COPA: variants seen among roughly 807,000 people sequenced by gnomAD.
COPA encodes the protein coat protein complex I subunit alpha, also known as coatomer subunit alpha.
Under a neutral mutation model 158.7 loss-of-function variants are expected in COPA, and 10 were observed. The observed-to-expected ratio is 0.06, with a 90% confidence interval of 0.04 to 0.11. COPA has a LOEUF of 0.11. Among genes scored for constraint, COPA ranks in the 10% least tolerant of loss-of-function variants. The pLI, the probability that COPA is intolerant of heterozygous loss-of-function variation, is 1.00. For synonymous variants in COPA, 462 were observed against 542.8 expected, an observed-to-expected ratio of 0.85 and a Z score of 2.07; for missense variants, 1,065 against 1,536.7, an observed-to-expected ratio of 0.69 and a Z score of 5.13.
chr1:160,341,214 T>C (rs1648026221), intron 1 of COPA, among the ~76,000 whole-genome samples: 1 of 152,254 alleles, frequency 6.6e-6, no homozygotes. Flanking sequence ...GTTTGAAGTG[T>C]ATCCTTTCAG....
At position 160,290,492 on chromosome 1, in the gene COPA, T is replaced by C. The variant is rs765176560; in HGVS notation, c.3615A>G (p.Thr1205=). ...TATATTTATTGAGGACAGTACTTACTGTGGTGACCCTGCAGATTTGACCTT... is the reference window on the plus strand; with the variant it reads ...TATATTTATTGAGGACAGTACTTACCGTGGTGACCCTGCAGATTTGACCTT... The part of the protein sequence containing the change: ...EFKGQICRVT[T]VTEIGKDVIG... Residue 1205 remains threonine, a splice_region_variant and synonymous_variant, in exon 32 of 33, where the codon ACA becomes ACG. Transcript: ENST00000241704. 8 of 1,614,018 alleles carry C rather than the reference T, an allele frequency of 5.0e-6. No homozygotes were observed. The Middle Eastern group carries it at 8.2e-4, about 166-fold the overall frequency.
In COPA at chr1:160,290,085, G is replaced by T; in HGVS notation, c.*72C>A. On this transcript the variant is annotated 3_prime_UTR_variant, in exon 33 of 33. Coordinates refer to ENST00000241704, the MANE Select transcript of COPA (RefSeq NM_004371.4). ...AGAGTAGCTGCAGGGGGAAGGTGCT[G>T]TTAGAAGGAGGATATAGACACATTC... The T allele has an allele frequency of 7.2e-7, 1 of 1,395,104 alleles. No individual in the cohort carries two copies. The highest frequency in any genetic ancestry group is 1.0e-6 in the Non-Finnish European group (1 of 984,864). The allele number at this position is 1,395,104 out of a possible 1,614,324, so 86.4% of individuals were successfully genotyped here. A position where few individuals can be genotyped will look rare whatever the true frequency, so the allele number is the denominator to read the frequency against.
intron 3 of COPA, among the ~76,000 whole-genome samples, chr1:160,337,508 T>C (rs1050694058): frequency 3.3e-5 from 5 of 152,072 alleles, no homozygotes; most frequent in African/African-American, 1.2e-4. Context: ...CGACCCGAGG[T>C]CGGGAGTTCA....
In COPA at chr1:160,294,787, T is replaced by C. The variant is rs767743920; in HGVS notation, c.2547A>G (p.Ala849=). 1 of 1,614,088 alleles carries C rather than the reference T, an allele frequency of 6.2e-7. No individual in the cohort carries two copies. Among genetic ancestry groups the C allele is most frequent in the Non-Finnish European group, 8.5e-7 (1 of 1,180,028 alleles). ...TTTTACCTTCATCCAACTGCAGCTC[T>C]GCATCCTCTCCCCAGCCCTCTGTAC... ...TVGTEGWGED[A]ELQLDEDGFV... is the part of the protein sequence containing the mutation. Residue 849 remains alanine, a synonymous_variant, in exon 24 of 33, where the codon GCA becomes GCG. Transcript: ENST00000241704.
intron 8 of COPA, among the ~76,000 whole-genome samples, chr1:160,321,717 G>C (rs1195318991): frequency 1.3e-5 from 2 of 152,296 alleles, no homozygotes; most frequent in East Asian, 3.9e-4. Flanking sequence ...GAACCTGGGA[G>C]GGGGAGGTTT....
intron 1 of COPA, among the ~76,000 whole-genome samples, chr1:160,342,323 A>AT (rs1036479678): frequency 4.6e-5 from 7 of 152,012 alleles, no homozygotes; most frequent in African/African-American, 1.7e-4. Flanking sequence ...TCTAGATACT[A>AT]TTTTTTCCAG....
chr1:160,322,194 T>G (rs1247494703), intron 8 of COPA, among the ~76,000 whole-genome samples: 2 of 152,158 alleles, frequency 1.3e-5, no homozygotes, highest in African/African-American at 4.8e-5. Flanking sequence ...GGCATCACAC[T>G]ACCTGACTTC....
At chr1:160,337,084 G>A (rs1362769134) in intron 3 of COPA, among the ~76,000 whole-genome samples, 1 of 152,124 alleles carries the variant, frequency 6.6e-6, no homozygotes, top group Non-Finnish European at 1.5e-5. Context: ...ATAAAAATTA[G>A]ACCATACCAT....
intron 14 of COPA, 105 bp downstream of exon 14, chr1:160,307,058 G>A (rs745844803): frequency 3.3e-5 from 37 of 1,118,606 alleles, no homozygotes; most frequent in African/African-American, 4.6e-5. Context: ...TGAGAATCAC[G>A]GCTGCCCGGG....
At position 160,293,434 on chromosome 1, in the gene COPA, A is replaced by G. The variant is rs1453732489; in HGVS notation, c.2706T>C (p.Ala902=). Residue 902 remains alanine, a synonymous_variant, in exon 26 of 33, where the codon GCT becomes GCC. Coordinates refer to ENST00000241704, the MANE Select transcript of COPA (RefSeq NM_004371.4). ...LDISPGAAGG[A]EDGFFVPPTK... is the part of the protein sequence containing the mutation. ...TTGGGGGCACAAAGAAACCATCTTC[A>G]GCCCCACCAGCTGCCCCAGGGGATA... The G allele has an allele frequency of 6.2e-7, 1 of 1,608,966 alleles. No individual in the cohort carries two copies.
chr1:160,297,275 T>C, intron 21 of COPA, 68 bp downstream of exon 21: 1 of 1,375,476 alleles, frequency 7.3e-7, no homozygotes, highest in Non-Finnish European at 1.0e-6. Context: ...TATACACAGA[T>C]TAACTCAACA....
chr1:160,336,267 C>T (rs1285782397), intron 3 of COPA, among the ~76,000 whole-genome samples: 1 of 150,058 alleles, frequency 6.7e-6, no homozygotes, highest in East Asian at 2.0e-4. Context: ...TGGGAGGCGG[C>T]GTTTGCAGTG....
At chr1:160,294,685 T>TA in intron 24 of COPA, 83 bp downstream of exon 24, 1 of 1,593,656 alleles carries the variant, frequency 6.3e-7, no homozygotes, top group Non-Finnish European at 8.6e-7. Flanking sequence ...TTTCATGGCC[T>TA]GGAAGTCTGC....
chr1:160,315,305 G>C (rs1445523771), intron 8 of COPA, among the ~76,000 whole-genome samples: 2 of 152,212 alleles, frequency 1.3e-5, no homozygotes, highest in Non-Finnish European at 2.9e-5. Flanking sequence ...CCTGAAAGGG[G>C]AAATATCCCT....
intron 17 of COPA, among the ~76,000 whole-genome samples, chr1:160,300,067 C>T (rs1166326847): frequency 6.6e-6 from 1 of 152,120 alleles, no homozygotes; most frequent in African/African-American, 2.4e-5. Context: ...TGGCCAGGTA[C>T]AGTGGCTCAC....
At chr1:160,328,600 C>T (rs10494341) in intron 6 of COPA, among the ~76,000 whole-genome samples, 29 of 152,156 alleles carry the variant, frequency 1.9e-4, no homozygotes, top group African/African-American at 6.8e-4. Context: ...GGGATGATAA[C>T]AGGATTTGGC....
chr1:160,322,989 GCACACACACA>G (rs112126446), intron 8 of COPA, among the ~76,000 whole-genome samples: 2 of 145,318 alleles, frequency 1.4e-5, no homozygotes, highest in Non-Finnish European at 3.0e-5. Context: ...ACGCGCACGT[GCACACACACA>G]CACACACACA....
intron 7 of COPA, among the ~76,000 whole-genome samples, chr1:160,324,979 G>C (rs747766523): frequency 6.6e-6 from 1 of 152,054 alleles, no homozygotes; most frequent in Non-Finnish European, 1.5e-5. Context: ...CTGGGTTTTG[G>C]AGTCAGATCG....
chr1:160,340,131 G>A, intron 2 of COPA, 50 bp downstream of exon 2: 2 of 1,500,606 alleles, frequency 1.3e-6, no homozygotes, highest in Non-Finnish European at 1.9e-6. Flanking sequence ...AATACCCCAG[G>A]ATATTATAAA....
Sources: allele counts gnomAD v4.1 joint callset (sites outside exome capture counted in the v4.1 genomes callset), GRCh38; gene constraint gnomAD v4.1.1; transcripts MANE v1.5; gene names NCBI Gene and HGNC (gene_info 2026-07-23, HGNC 2026-07-21).